TCF7L1: variants seen among roughly 807,000 people sequenced by gnomAD.
The protein encoded by TCF7L1 is transcription factor 7 like 1, also known as transcription factor 7-like 1.
Under a neutral mutation model 63.7 loss-of-function variants are expected in TCF7L1, and 18 were observed. The ratio of observed to expected loss-of-function variants is 0.28; its 90% CI spans 0.20 to 0.42. TCF7L1 has a LOEUF of 0.42. TCF7L1 is among the 10% of genes least tolerant of loss of function. TCF7L1 has a pLI of 1.00. For missense variants in TCF7L1, 654 were observed against 779.3 expected (o/e 0.84, Z 1.91); for synonymous variants, 355 against 340.9 (o/e 1.04, Z -0.46).
chr2:85,242,963 C>T (rs1026083812), intron 3 of TCF7L1, among the ~76,000 whole-genome samples: 7 of 152,116 alleles, frequency 4.6e-5, no homozygotes, highest in African/African-American at 1.7e-4. Context: ...GTGGGGCCTC[C>T]AGCAAGTCTT....
chr2:85,234,550 C>T (rs564281373), intron 3 of TCF7L1, among the ~76,000 whole-genome samples: 122 of 152,274 alleles, frequency 8.0e-4, no homozygotes, highest in African/African-American at 2.8e-3. Flanking sequence ...ATTGATTTCA[C>T]GAATTCCCAA....
At chr2:85,285,785 C>A (rs1245301375) in intron 4 of TCF7L1, among the ~76,000 whole-genome samples, 4 of 152,192 alleles carry the variant, frequency 2.6e-5, no homozygotes, top group African/African-American at 9.7e-5. Context: ...TCTCCTGTGC[C>A]GTCTGCCAGC....
At chr2:85,269,947 A>G (rs1404567207) in intron 3 of TCF7L1, among the ~76,000 whole-genome samples, 1 of 152,012 alleles carries the variant, frequency 6.6e-6, no homozygotes, top group Non-Finnish European at 1.5e-5. Flanking sequence ...GTTCTTGTTC[A>G]CCTGTGGGGT....
intron 3 of TCF7L1, among the ~76,000 whole-genome samples, chr2:85,234,324 T>A (rs926659846): frequency 6.6e-6 from 1 of 151,980 alleles, no homozygotes; most frequent in African/African-American, 2.4e-5. Context: ...TTAGTAGAGA[T>A]GGGTTTTCAC....
At chr2:85,139,195 G>A (rs567603153) in intron 3 of TCF7L1, among the ~76,000 whole-genome samples, 57 of 152,202 alleles carry the variant, frequency 3.7e-4, no homozygotes, top group Middle Eastern at 3.4e-3. Flanking sequence ...TTTTAGTAGA[G>A]ACAGGGTTTC....
chr2:85,281,722 C>G (rs1681424787), intron 3 of TCF7L1, among the ~76,000 whole-genome samples: 1 of 152,176 alleles, frequency 6.6e-6, no homozygotes, highest in African/African-American at 2.4e-5. Context: ...CCCACCAGGT[C>G]TCCCGCGCCA....
intron 3 of TCF7L1, among the ~76,000 whole-genome samples, chr2:85,226,797 T>C (rs1679963946): frequency 6.6e-6 from 1 of 151,132 alleles, no homozygotes; most frequent in African/African-American, 2.4e-5. Flanking sequence ...CTCTTCCCTT[T>C]CTGTTTATCT....
At chr2:85,156,353 G>T (rs1005629967) in intron 3 of TCF7L1, among the ~76,000 whole-genome samples, 2 of 152,148 alleles carry the variant, frequency 1.3e-5, no homozygotes, top group African/African-American at 4.8e-5. Context: ...AATGACCACC[G>T]CAGCCTGCTG....
intron 10 of TCF7L1, among the ~76,000 whole-genome samples, chr2:85,307,098 C>T (rs1682133223): frequency 6.6e-6 from 1 of 152,206 alleles, no homozygotes; most frequent in East Asian, 1.9e-4. Context: ...TCCCTTTGAA[C>T]TGGACTCTGC....
At chr2:85,164,263 G>T (rs937173682) in intron 3 of TCF7L1, among the ~76,000 whole-genome samples, 2 of 152,154 alleles carry the variant, frequency 1.3e-5, no homozygotes, top group African/African-American at 4.8e-5. Flanking sequence ...ATGATTGTTT[G>T]CATTCAGGCT....
intron 3 of TCF7L1, among the ~76,000 whole-genome samples, chr2:85,243,008 T>C (rs1264755953): frequency 1.3e-5 from 2 of 152,228 alleles, no homozygotes; most frequent in Non-Finnish European, 2.9e-5. Flanking sequence ...TGGCACATAG[T>C]AGTTAACAAT....
At chr2:85,301,955 A>G (rs1025574748) in intron 4 of TCF7L1, among the ~76,000 whole-genome samples, 3 of 152,026 alleles carry the variant, frequency 2.0e-5, no homozygotes, top group Non-Finnish European at 4.4e-5. Flanking sequence ...GTGAAACCCT[A>G]TCTGTACTAA....
chr2:85,302,605 A>G lies in TCF7L1; in HGVS notation c.647A>G (p.Asp216Gly). The change falls in exon 5 of 12, where the codon GAT (aspartate) becomes GGT (glycine). Residue 216 changes from aspartate to glycine, a missense_variant. By Grantham distance (94) the Asp-to-Gly change is moderately conservative (BLOSUM62 -1). Around this residue, in one of 3 missense-constraint regions of TCF7L1, gnomAD observed 404 missense variants for 454.8 expected, o/e 0.89. Coordinates refer to ENST00000282111, the MANE Select transcript of TCF7L1 (RefSeq NM_031283.3). ...CCCACCCACCTCTCCCCAGAGATCG[A>G]TCCAAAGACAGGTAAGTCGTCTGCC... ...SPPTHLSPEI[D>G]PKTGIPRPPH... The G allele has an allele frequency of 2.0e-6, 3 of 1,484,144 alleles. No individual in the cohort carries two copies. The highest frequency in any genetic ancestry group is 2.8e-6 in the Non-Finnish European group (3 of 1,090,202). 91.9% of individuals were successfully genotyped at this position (1,484,144 alleles called of 1,614,324 possible). A position where few individuals can be genotyped will look rare whatever the true frequency, so the allele number is the denominator to read the frequency against.
At chr2:85,280,751 C>T (rs2104365843) in intron 3 of TCF7L1, among the ~76,000 whole-genome samples, 1 of 152,294 alleles carries the variant, frequency 6.6e-6, no homozygotes, top group East Asian at 1.9e-4. Context: ...TGGGCACCTT[C>T]AGCATCCCTC....
At position 85,306,007 on chromosome 2, in the gene TCF7L1, G is replaced by A. The variant is rs1682099317; in HGVS notation, c.990-199G>A. Among the ~76,000 whole-genome samples, 1 of 152,154 alleles carries A rather than the reference G, an allele frequency of 6.6e-6. No homozygotes were observed. The highest frequency in any genetic ancestry group is 2.4e-5 in the African/African-American group (1 of 41,424). On this transcript the variant is annotated intron_variant, in intron 8 of 11. Coordinates refer to ENST00000282111, the MANE Select transcript of TCF7L1 (RefSeq NM_031283.3). The surrounding 1 kb of genome is among the most constrained non-coding windows in gnomAD (Gnocchi z 4.3). ...TGGAGAGTAGATTTTCAAAGAATCT[G>A]GCGTGGAGATCGTTCAAAGGTGGGA...
Position 85,212,365 on chromosome 2 carries a change from CTTG to C in TCF7L1, c.442-71125_442-71123del, listed in dbSNP as rs555835177. Among the ~76,000 whole-genome samples the C allele has an allele frequency of 3.9e-5, 6 of 152,286 alleles. No homozygotes were observed. In the South Asian group the frequency reaches 1.0e-3, roughly 26 times the overall value. On this transcript the variant is annotated intron_variant, in intron 3 of 11. Transcript: ENST00000282111. The stretch of plus-strand genomic sequence containing the variant: ...GCAGTGGCAGTACCTGCGTCCTGAT[CTTG>C]TTGTGGGGATTTGCTGAGCTTCAGT...
chr2:85,284,305 C>G (rs917443403), intron 4 of TCF7L1, among the ~76,000 whole-genome samples: 1 of 152,110 alleles, frequency 6.6e-6, no homozygotes, highest in Non-Finnish European at 1.5e-5. Context: ...CCACCGCGCC[C>G]GGCCGAAGAG....
chr2:85,222,332 C>T (rs1295667757), intron 3 of TCF7L1, among the ~76,000 whole-genome samples: 2 of 147,140 alleles, frequency 1.4e-5, no homozygotes, highest in Non-Finnish European at 3.0e-5. Context: ...AAGAGTGAGA[C>T]TCCATCTCAA....
At chr2:85,307,832 C>CG in intron 11 of TCF7L1, 115 bp downstream of exon 11, 1 of 930,522 alleles carries the variant, frequency 1.1e-6, no homozygotes, top group South Asian at 1.5e-5. Context: ...TATTCGCGGG[C>CG]GGGTATTATT....
Sources: gnomAD v4.1 joint callset for allele counts (sites outside exome capture counted in the v4.1 genomes callset) on GRCh38, gnomAD v4.1.1 for gene constraint, gnomAD v4.1.1 regional missense constraint, Gnocchi (gnomAD v3.1) non-coding constraint, MANE v1.5 for transcripts, NCBI Gene and HGNC (gene_info 2026-07-23, HGNC 2026-07-21) for gene names.